EFCAB7: variants seen among roughly 807,000 people sequenced by gnomAD.
The protein encoded by EFCAB7 is EF-hand calcium binding domain 7, also known as EF-hand calcium-binding domain-containing protein 7.
Under a neutral mutation model 77.1 loss-of-function variants are expected in EFCAB7, and 66 were observed. That is an observed-to-expected ratio of 0.86 (90% CI 0.70 to 1.05). The LOEUF (loss-of-function observed/expected upper bound fraction) is 1.05. Ranked by LOEUF, EFCAB7 falls within the 50% of genes least tolerant of loss-of-function variation. EFCAB7 has a pLI of 0.00. For synonymous variants in EFCAB7, 225 were observed against 243.3 expected, an observed-to-expected ratio of 0.92 and a Z score of 0.70; for missense variants, 638 against 730.5, an observed-to-expected ratio of 0.87 and a Z score of 1.46.
chr1:63,557,391 A>G, intron 10 of EFCAB7, 144 bp downstream of exon 10: 1 of 722,010 alleles, frequency 1.4e-6, no homozygotes, highest in Non-Finnish European at 2.0e-6. Context: ...TTTGTAGATC[A>G]TAAAAACTTA....
At chr1:63,527,156 A>G (rs1646607681) in intron 2 of EFCAB7, among the ~76,000 whole-genome samples, 1 of 152,184 alleles carries the variant, frequency 6.6e-6, no homozygotes, top group Non-Finnish European at 1.5e-5. Context: ...AAGAGAAGGA[A>G]TCTGCTAAGT....
intron 8 of EFCAB7, 23 bp downstream of exon 8, chr1:63,551,857 G>A: frequency 6.9e-7 from 1 of 1,447,374 alleles, no homozygotes; most frequent in Non-Finnish European, 9.3e-7. Flanking sequence ...ATTTTCTAAT[G>A]TTTAATTTTT....
intron 11 of EFCAB7, among the ~76,000 whole-genome samples, chr1:63,566,038 C>T (rs532880583): frequency 1.3e-5 from 2 of 152,188 alleles, no homozygotes; most frequent in African/African-American, 4.8e-5. Context: ...TATAAAGACA[C>T]ATACACATGT....
chr1:63,530,190 G>A (rs991890792), intron 2 of EFCAB7, among the ~76,000 whole-genome samples: 1 of 152,096 alleles, frequency 6.6e-6, no homozygotes, highest in Non-Finnish European at 1.5e-5. Flanking sequence ...TTTCCATGAG[G>A]ATATTTCTTT....
intron 6 of EFCAB7, among the ~76,000 whole-genome samples, chr1:63,544,593 A>G (rs964177401): frequency 5.9e-5 from 9 of 151,906 alleles, no homozygotes; most frequent in Admixed American, 2.0e-4. Context: ...TTGTATTATT[A>G]GTAAAGACGG....
chr1:63,577,815 CAG>C, the EFCAB7 span, among the ~76,000 whole-genome samples: 1 of 152,014 alleles, frequency 6.6e-6, no homozygotes, highest in Non-Finnish European at 1.5e-5. Flanking sequence ...AATATGGAAA[CAG>C]AAGAGGAGGG....
chr1:63,544,655 C>T (rs1434489903), intron 6 of EFCAB7, among the ~76,000 whole-genome samples: 2 of 152,158 alleles, frequency 1.3e-5, no homozygotes, highest in Admixed American at 1.3e-4. Flanking sequence ...TTGTGATCCA[C>T]ACGCCTTGGC....
intron 10 of EFCAB7, among the ~76,000 whole-genome samples, chr1:63,561,444 T>C (rs1432106693): frequency 2.0e-5 from 3 of 152,220 alleles, no homozygotes; most frequent in Non-Finnish European, 4.4e-5. Context: ...CCTCTAATTT[T>C]AGAATATATT....
intron 2 of EFCAB7, 144 bp from the exon 3 acceptor site, chr1:63,531,676 A>T: frequency 1.4e-6 from 1 of 723,836 alleles, no homozygotes; most frequent in Non-Finnish European, 2.3e-6. Context: ...TGGTATCACT[A>T]GATAAGTCAA....
At chr1:63,527,664 C>A (rs573539756) in intron 2 of EFCAB7, among the ~76,000 whole-genome samples, 2 of 152,202 alleles carry the variant, frequency 1.3e-5, no homozygotes, top group South Asian at 4.2e-4. Flanking sequence ...TAATTCTAAA[C>A]CTAGAGATTA....
intron 10 of EFCAB7, among the ~76,000 whole-genome samples, chr1:63,559,301 CA>C (rs71052490): frequency 0.2 from 12,296 of 61,318 alleles, 318 homozygotes; most frequent in Middle Eastern, 0.27. Flanking sequence ...GACTCTGTCT[CA>C]AAAAAAAAAA....
At chr1:63,583,360 CAAG>C in the EFCAB7 span, among the ~76,000 whole-genome samples, 2 of 152,200 alleles carry the variant, frequency 1.3e-5, no homozygotes, top group Non-Finnish European at 2.9e-5. Context: ...GGTTGTACAA[CAAG>C]AAGGTCTGGA....
At chr1:63,573,117 TTAA>T (rs1647315741), downstream of EFCAB7, among the ~76,000 whole-genome samples, 1 of 152,110 alleles carries the variant, frequency 6.6e-6, no homozygotes, top group South Asian at 2.1e-4. Flanking sequence ...TCTTCTTATA[TTAA>T]TAAGAAAAAT....
intron 11 of EFCAB7, among the ~76,000 whole-genome samples, chr1:63,565,082 C>A (rs1400836636): frequency 6.6e-6 from 1 of 152,304 alleles, no homozygotes; most frequent in East Asian, 1.9e-4. Context: ...TGTGATGGCT[C>A]ACGCCTGTAA....
intron 10 of EFCAB7, among the ~76,000 whole-genome samples, chr1:63,559,714 A>T (rs966937014): frequency 6.6e-6 from 1 of 152,136 alleles, no homozygotes; most frequent in African/African-American, 2.4e-5. Flanking sequence ...TGTCTTGTAC[A>T]GTTCTATGGG....
At chr1:63,579,997 T>A in the EFCAB7 span, among the ~76,000 whole-genome samples, 1 of 152,300 alleles carries the variant, frequency 6.6e-6, no homozygotes, top group African/African-American at 2.4e-5. Context: ...TTTGAAAGTA[T>A]TTTCTTCTCT....
chr1:63,533,473 C>A lies in EFCAB7; in HGVS notation c.506C>A (p.Thr169Lys). ...DYIKFCKLYM[T>K]TNEQCLKTTL... Reference sequence around the variant, plus strand: ...CTGTAGTTTTGTAAATTATATATGACAACCAACGAGCAATGTCTCAAGACT... The same window carrying A: ...CTGTAGTTTTGTAAATTATATATGAAAACCAACGAGCAATGTCTCAAGACT... Residue 169 changes from threonine (T) to lysine (K), a missense_variant, in exon 5 of 14, where the codon ACA (threonine) becomes AAA (lysine). Thr to Lys is a moderately conservative substitution (Grantham distance 78). Transcript: ENST00000371088. 1 of 1,603,554 alleles carries A rather than the reference C, an allele frequency of 6.2e-7. No homozygotes were observed. The highest frequency in any genetic ancestry group is 8.5e-7 in the Non-Finnish European group (1 of 1,177,096).
chr1:63,534,043 C>T lies in EFCAB7; in HGVS notation c.683-52C>T. The T allele has an allele frequency of 2.5e-6, 4 of 1,604,222 alleles. No homozygotes were observed. The South Asian group carries it at 3.3e-5, about 13-fold the overall frequency. On this transcript the variant is annotated intron_variant, in intron 5 of 13. Transcript: ENST00000371088. ...TACTGCACTGTGTTTGGAAAAAACT[C>T]CTATTGACAACTTTTCATAATGTCA...
the EFCAB7 span, among the ~76,000 whole-genome samples, chr1:63,578,721 G>A: frequency 6.6e-6 from 1 of 151,768 alleles, no homozygotes; most frequent in Non-Finnish European, 1.5e-5. Context: ...GATTACAGGC[G>A]TGAGCCACTG....
Sources: gnomAD v4.1 joint callset for allele counts (sites outside exome capture counted in the v4.1 genomes callset) on GRCh38, gnomAD v4.1.1 for gene constraint, MANE v1.5 for transcripts, NCBI Gene and HGNC (gene_info 2026-07-23, HGNC 2026-07-21) for gene names.